THNSL1: variants seen among roughly 807,000 people sequenced by gnomAD.
The protein encoded by THNSL1 is threonine synthase-like 1.
In THNSL1, 48 loss-of-function variants were observed where a neutral mutation model predicts 50.4. That is an observed-to-expected ratio of 0.95 (90% confidence interval 0.76 to 1.21). THNSL1 has a LOEUF of 1.21. Among genes scored for constraint, THNSL1 ranks in the 50% most tolerant of loss-of-function variants. The pLI, the probability that THNSL1 is intolerant of heterozygous loss-of-function variation, is 0.00. For synonymous variants in THNSL1, 309 were observed against 306.1 expected, an observed-to-expected ratio of 1.01 and a Z score of -0.10; for missense variants, 896 against 871.7, an observed-to-expected ratio of 1.03 and a Z score of -0.35.
chr10:24,957,122 T>A, the THNSL1 span, among the ~76,000 whole-genome samples: 1 of 152,304 alleles, frequency 6.6e-6, no homozygotes, highest in East Asian at 1.9e-4. Flanking sequence ...TATAACCTAG[T>A]ACCTACTAAC....
chr10:24,984,915 G>C, the THNSL1 span: 1 of 1,606,606 alleles, frequency 6.2e-7, no homozygotes, highest in Non-Finnish European at 8.5e-7. Flanking sequence ...CCTGCAAATG[G>C]TCAAGAAACT....
chr10:24,965,437 G>A, the THNSL1 span, among the ~76,000 whole-genome samples: 1 of 152,174 alleles, frequency 6.6e-6, no homozygotes, highest in African/African-American at 2.4e-5. Flanking sequence ...CCTAAAGAGA[G>A]ATTATGCAAA....
chr10:24,999,865 C>T, the THNSL1 span, among the ~76,000 whole-genome samples: 1 of 152,168 alleles, frequency 6.6e-6, no homozygotes, highest in Non-Finnish European at 1.5e-5. Context: ...TCTTTCTCTG[C>T]TGATCAGTCT....
At chr10:25,016,436 T>G (rs570477174), upstream of THNSL1, among the ~76,000 whole-genome samples, 1 of 152,334 alleles carries the variant, frequency 6.6e-6, no homozygotes, top group South Asian at 2.1e-4. Context: ...AAGGTTTTTG[T>G]GAGCAGGCCC....
chr10:24,990,415 G>C, the THNSL1 span: 1 of 1,566,592 alleles, frequency 6.4e-7, no homozygotes. Context: ...CTTTCTTTCA[G>C]AGATGATCCA....
the THNSL1 span, among the ~76,000 whole-genome samples, chr10:25,003,020 C>G: frequency 6.6e-6 from 1 of 151,668 alleles, no homozygotes; most frequent in African/African-American, 2.4e-5. Context: ...GCCTGTCCAT[C>G]TATTATAGAA....
At chr10:24,968,115 CA>C in the THNSL1 span, among the ~76,000 whole-genome samples, 1 of 151,804 alleles carries the variant, frequency 6.6e-6, no homozygotes, top group South Asian at 2.1e-4. Flanking sequence ...TGGGAAATGT[CA>C]TTACCTGATA....
chr10:24,973,926 G>A, the THNSL1 span, among the ~76,000 whole-genome samples: 1 of 152,012 alleles, frequency 6.6e-6, no homozygotes. Flanking sequence ...GCTAATTTTT[G>A]TATTTTTAGT....
the THNSL1 span, among the ~76,000 whole-genome samples, chr10:24,975,994 G>A: frequency 6.6e-6 from 1 of 152,220 alleles, no homozygotes; most frequent in East Asian, 1.9e-4. Flanking sequence ...AGGCTGTAAA[G>A]CTGTTGACCT....
At chr10:25,018,905 A>G (rs1048673264) in intron 1 of THNSL1, among the ~76,000 whole-genome samples, 13 of 152,206 alleles carry the variant, frequency 8.5e-5, no homozygotes, top group Admixed American at 8.5e-4. Flanking sequence ...TGATAGTAAT[A>G]TAAAGACTAA....
chr10:24,972,585 A>G, the THNSL1 span, among the ~76,000 whole-genome samples: 44 of 152,288 alleles, frequency 2.9e-4, no homozygotes, highest in African/African-American at 1.1e-3. Context: ...TTATGTGTAC[A>G]GAAAGATGCC....
chr10:25,012,851 G>A (rs1850481834), upstream of THNSL1, among the ~76,000 whole-genome samples: 1 of 152,180 alleles, frequency 6.6e-6, no homozygotes, highest in Non-Finnish European at 1.5e-5. Context: ...TTTGAAATGT[G>A]AGGACATGAG....
At chr10:24,987,086 C>T in the THNSL1 span, among the ~76,000 whole-genome samples, 1 of 152,154 alleles carries the variant, frequency 6.6e-6, no homozygotes, top group Non-Finnish European at 1.5e-5. Flanking sequence ...CACAGAAGGC[C>T]CTGGAGGGTG....
At chr10:24,986,621 G>T in the THNSL1 span, among the ~76,000 whole-genome samples, 1 of 152,084 alleles carries the variant, frequency 6.6e-6, no homozygotes, top group Non-Finnish European at 1.5e-5. Context: ...TAGCTAGTTG[G>T]GTGATGTTTC....
intron 1 of THNSL1, among the ~76,000 whole-genome samples, chr10:25,020,508 T>C (rs999790186): frequency 1.1e-4 from 16 of 152,092 alleles, no homozygotes; most frequent in Non-Finnish European, 2.1e-4. Context: ...GGTTCATGCC[T>C]CTAATCCCAG....
chr10:24,969,928 T>C, the THNSL1 span, among the ~76,000 whole-genome samples: 1 of 152,214 alleles, frequency 6.6e-6, no homozygotes. Flanking sequence ...AAAAAGAGTC[T>C]GGGAGAAATA....
chr10:24,960,970 A>C, the THNSL1 span, among the ~76,000 whole-genome samples: 6 of 152,224 alleles, frequency 3.9e-5, no homozygotes, highest in African/African-American at 1.4e-4. Flanking sequence ...GGCAAGTTGA[A>C]CCTGACTCAT....
the THNSL1 span, among the ~76,000 whole-genome samples, chr10:24,994,808 G>A: frequency 6.6e-6 from 1 of 152,018 alleles, no homozygotes; most frequent in South Asian, 2.1e-4. Context: ...GATCACTTGA[G>A]GTCAGGAGTC....
the THNSL1 span, among the ~76,000 whole-genome samples, chr10:24,987,265 C>T: frequency 1.3e-5 from 2 of 152,172 alleles, no homozygotes; most frequent in Non-Finnish European, 2.9e-5. Flanking sequence ...TGGTAAATTC[C>T]TACTGTCCCT....
Sources: gnomAD v4.1 joint callset for allele counts (sites outside exome capture counted in the v4.1 genomes callset) on GRCh38, gnomAD v4.1.1 for gene constraint, MANE v1.5 for transcripts, NCBI Gene and HGNC (gene_info 2026-07-23, HGNC 2026-07-21) for gene names.